Variants in CACNB2 observed in about 807,000 individuals in gnomAD.
CACNB2 encodes voltage-dependent L-type calcium channel subunit beta-2.
Under a neutral mutation model 73.3 loss-of-function variants are expected in CACNB2, and 42 were observed. That is an observed-to-expected ratio of 0.57 (90% CI 0.45 to 0.74). The LOEUF (loss-of-function observed/expected upper bound fraction) is 0.74, where lower values mean the gene tolerates loss of function less well. Ranked by LOEUF, CACNB2 falls within the 30% of genes least tolerant of loss-of-function variation. The probability of loss-of-function intolerance (pLI) is 0.00; values close to 1 mark genes in which losing one functional copy is unlikely to be tolerated. For synonymous variants in CACNB2, 348 were observed against 310.3 expected (o/e 1.12, Z -1.28); for missense variants, 940 against 853.0 (o/e 1.10, Z -1.27).
chr10:18,460,019 G>A (rs747697274), intron 3 of CACNB2, among the ~76,000 whole-genome samples: 1 of 151,982 alleles, frequency 6.6e-6, no homozygotes, highest in Non-Finnish European at 1.5e-5. Flanking sequence ...AAAAAAAGTC[G>A]AATACTAACA....
At chr10:18,255,930 C>T (rs1268852943) in intron 2 of CACNB2, among the ~76,000 whole-genome samples, 1 of 152,160 alleles carries the variant, frequency 6.6e-6, no homozygotes, top group African/African-American at 2.4e-5. Flanking sequence ...TTGAAGGAAG[C>T]ACTTCATCTG....
intron 2 of CACNB2, among the ~76,000 whole-genome samples, chr10:18,296,179 A>G (rs1049509092): frequency 6.6e-6 from 1 of 151,970 alleles, no homozygotes; most frequent in Non-Finnish European, 1.5e-5. Context: ...TTCCGACAAT[A>G]ACAGTTTCTA....
At chr10:18,178,480 T>G (rs1442158574) in intron 2 of CACNB2, among the ~76,000 whole-genome samples, 1 of 152,192 alleles carries the variant, frequency 6.6e-6, no homozygotes, top group African/African-American at 2.4e-5. Flanking sequence ...CAGATAGAGG[T>G]CCTGTTCTCA....
chr10:18,373,885 A>G (rs2042687163), intron 2 of CACNB2, among the ~76,000 whole-genome samples: 1 of 152,230 alleles, frequency 6.6e-6, no homozygotes, highest in African/African-American at 2.4e-5. Context: ...CACTTCCAAA[A>G]CAAAGTTAAG....
intron 2 of CACNB2, among the ~76,000 whole-genome samples, chr10:18,220,232 T>TATATATATAG (rs1488872721): frequency 5.6e-4 from 14 of 25,084 alleles, no homozygotes; most frequent in African/African-American, 1.5e-3. Context: ...TATATATATA[T>TATATATATAG]AGAGAGAGAG....
intron 2 of CACNB2, among the ~76,000 whole-genome samples, chr10:18,324,309 A>T (rs2040501408): frequency 6.6e-6 from 1 of 152,224 alleles, no homozygotes; most frequent in Admixed American, 6.5e-5. Context: ...CAGGGAAGGC[A>T]TCTGAAAGGA....
intron 2 of CACNB2, among the ~76,000 whole-genome samples, chr10:18,247,975 C>G (rs890225845): frequency 2.0e-5 from 3 of 152,172 alleles, no homozygotes; most frequent in Non-Finnish European, 2.9e-5. Flanking sequence ...GTGGATCTCT[C>G]TGGGACCTCT....
intron 3 of CACNB2, among the ~76,000 whole-genome samples, chr10:18,464,400 A>G (rs2047747621): frequency 8.5e-6 from 1 of 117,916 alleles, no homozygotes; most frequent in Non-Finnish European, 1.9e-5. Context: ...CAACAGAGTG[A>G]GACCCTGTCT....
At chr10:18,173,181 A>C (rs904881833) in intron 2 of CACNB2, among the ~76,000 whole-genome samples, 13 of 152,268 alleles carry the variant, frequency 8.5e-5, no homozygotes, top group Admixed American at 7.8e-4. Context: ...CAGCCTGCCA[A>C]AGTGCTGGGA....
chr10:18,182,423 A>T (rs947851398), intron 2 of CACNB2, among the ~76,000 whole-genome samples: 1 of 152,150 alleles, frequency 6.6e-6, no homozygotes, highest in African/African-American at 2.4e-5. Flanking sequence ...TTTGAGTTCA[A>T]TAATAATTCA....
intron 2 of CACNB2, among the ~76,000 whole-genome samples, chr10:18,346,915 C>T (rs186286596): frequency 1.3e-5 from 2 of 152,116 alleles, no homozygotes; most frequent in African/African-American, 2.4e-5. Flanking sequence ...GCTTTTTGGA[C>T]ATCAGAGAAG....
intron 5 of CACNB2, among the ~76,000 whole-genome samples, chr10:18,505,759 A>G (rs1027919153): frequency 6.6e-5 from 10 of 152,070 alleles, no homozygotes; most frequent in Middle Eastern, 3.2e-3. Flanking sequence ...TCTAATATTA[A>G]CTCCAATGTT....
chr10:18,538,272 TCCTCCCAGCAGTAG>T lies in CACNB2; in HGVS notation c.1402_1415del (p.Ser468GlnfsTer5). On this transcript the variant is annotated frameshift_variant, in exon 13 of 14. Transcript: ENST00000324631. LOFTEE classifies it high-confidence loss of function. ...TGGAGGCCTACTGGAAGGCCACCCA[TCCTCCCAGCAGTAG>T]CCTCCCCAACCCTCTCCTTAGCCGT... The T allele has an allele frequency of 6.2e-7, 1 of 1,614,052 alleles. No homozygotes were observed. The highest frequency in any genetic ancestry group is 8.5e-7 in the Non-Finnish European group (1 of 1,179,962).
chr10:18,171,708 G>A (rs2131155533), intron 2 of CACNB2, among the ~76,000 whole-genome samples: 1 of 151,896 alleles, frequency 6.6e-6, no homozygotes, highest in Admixed American at 6.6e-5. Flanking sequence ...TGAACCAGTT[G>A]GGATCAAGTA....
rs749525698 is a variant in CACNB2, at chr10:18,540,161, A to G, written c.*437A>G. ...TGATTTGCATATTCATTCATGGACC[A>G]CTGTTTCTTGCTTGTACCTCTGGCT... On this transcript the variant is annotated 3_prime_UTR_variant, in exon 14 of 14. Transcript: ENST00000324631. 5.2e-5 allele frequency: 10 copies of G among 191,754 alleles called. No individual in the cohort carries two copies. The highest frequency in any genetic ancestry group is 1.1e-4 in the Non-Finnish European group (10 of 91,786). The allele number at this position is 191,754 out of a possible 1,614,324, so 11.9% of individuals were successfully genotyped here.
intron 2 of CACNB2, among the ~76,000 whole-genome samples, chr10:18,198,157 A>G (rs1462519355): frequency 6.7e-6 from 1 of 148,386 alleles, no homozygotes; most frequent in Non-Finnish European, 1.5e-5. Flanking sequence ...TATCACACAT[A>G]TTACATGTAT....
chr10:18,167,849 A>G (rs1318482224), intron 2 of CACNB2, among the ~76,000 whole-genome samples: 3 of 152,180 alleles, frequency 2.0e-5, no homozygotes, highest in Non-Finnish European at 4.4e-5. Context: ...CACGTGTCAT[A>G]TATTCAAGCA....
intron 2 of CACNB2, among the ~76,000 whole-genome samples, chr10:18,336,549 G>A (rs2041014151): frequency 6.6e-6 from 1 of 152,102 alleles, no homozygotes; most frequent in Admixed American, 6.5e-5. Flanking sequence ...AACCTGGGAG[G>A]CGGAGGCTGC....
At chr10:18,239,353 A>G (rs2036563971) in intron 2 of CACNB2, among the ~76,000 whole-genome samples, 1 of 151,866 alleles carries the variant, frequency 6.6e-6, no homozygotes, top group Non-Finnish European at 1.5e-5. Flanking sequence ...ATTCCACTTT[A>G]TGGGTCCATG....
Sources: gnomAD v4.1 joint callset for allele counts (sites outside exome capture counted in the v4.1 genomes callset) on GRCh38, gnomAD v4.1.1 for gene constraint, MANE v1.5 for transcripts, NCBI Gene and HGNC (gene_info 2026-07-23, HGNC 2026-07-21) for gene names.